SP140: variants seen among roughly 807,000 people sequenced by gnomAD.
SP140 encodes the protein SP140 nuclear body protein.
In SP140, 81 loss-of-function variants were observed where a neutral mutation model predicts 125.0. That is an observed-to-expected ratio of 0.65 (90% CI 0.54 to 0.78). SP140 has a LOEUF of 0.78. Among genes scored for constraint, SP140 ranks in the 30% least tolerant of loss-of-function variants. The pLI, the probability that SP140 is intolerant of heterozygous loss-of-function variation, is 0.00. For missense variants in SP140, 858 were observed against 1,037.0 expected (o/e 0.83, Z 2.37); for synonymous variants, 312 against 354.0 (o/e 0.88, Z 1.33).
intron 14 of SP140, among the ~76,000 whole-genome samples, 153 bp downstream of exon 14, chr2:230,270,106 C>G (rs557145513): frequency 5.3e-5 from 8 of 152,102 alleles, no homozygotes; most frequent in Middle Eastern, 6.8e-3. Context: ...GGCAAGAGAT[C>G]GTTATAAAGT....
At chr2:230,256,932 A>G (rs1242661105) in intron 12 of SP140, among the ~76,000 whole-genome samples, 2 of 152,192 alleles carry the variant, frequency 1.3e-5, no homozygotes, top group African/African-American at 4.8e-5. Context: ...ACTCACAAAA[A>G]CCTCAAGACT....
chr2:230,279,454 G>A (rs1220468169), intron 15 of SP140, among the ~76,000 whole-genome samples: 1 of 152,074 alleles, frequency 6.6e-6, no homozygotes, highest in Non-Finnish European at 1.5e-5. Flanking sequence ...ATATGGTACT[G>A]TCATAAAAAC....
chr2:230,240,688 G>A (rs912279338), intron 3 of SP140, among the ~76,000 whole-genome samples: 4 of 152,156 alleles, frequency 2.6e-5, no homozygotes, highest in African/African-American at 9.7e-5. Flanking sequence ...GGAACAATTG[G>A]ACCTCCCATC....
At chr2:230,300,575 C>T (rs777142447) in intron 22 of SP140, among the ~76,000 whole-genome samples, 5 of 152,116 alleles carry the variant, frequency 3.3e-5, no homozygotes, top group Admixed American at 6.5e-5. Context: ...GTTTGGCTCT[C>T]GGGAAGCCCA....
At chr2:230,297,301 A>G in intron 21 of SP140, 120 bp from the exon 22 acceptor site, 1 of 1,237,892 alleles carries the variant, frequency 8.1e-7, no homozygotes, top group Non-Finnish European at 1.1e-6. Context: ...CTCTCTTCCC[A>G]ATTATTTTTT....
At chr2:230,190,335 G>A in the SP140 span, among the ~76,000 whole-genome samples, 1 of 105,250 alleles carries the variant, frequency 9.5e-6, no homozygotes, top group Non-Finnish European at 1.9e-5. Flanking sequence ...TATGTTTGTT[G>A]GCTACGTAAA....
chr2:230,273,561 A>G (rs1370602353), intron 15 of SP140, among the ~76,000 whole-genome samples: 1 of 152,230 alleles, frequency 6.6e-6, no homozygotes, highest in African/African-American at 2.4e-5. Flanking sequence ...ACCTAAAGAC[A>G]GAAATACCAT....
Position 230,237,218 on chromosome 2 carries a change from G to C in SP140, c.195G>C (p.Met65Ile). Residue 65 changes from methionine to isoleucine, a missense_variant, in exon 2 of 27, where the codon ATG becomes ATC. By Grantham distance (10) the Met-to-Ile change is conservative (BLOSUM62 1). This residue lies in a region of SP140 where 791 missense variants were observed against 869.5 expected (regional missense o/e 0.91). Coordinates refer to ENST00000392045, the MANE Select transcript of SP140 (RefSeq NM_007237.5). The surrounding 1 kb of genome is among the most constrained non-coding windows in gnomAD (Gnocchi z 5.4). Reference sequence around the variant, plus strand: ...TAACAAGGCCATTTCCTTTCCTTATGGGCCTCCGAGACCGCTCCTTCATCT... The same window carrying C: ...TAACAAGGCCATTTCCTTTCCTTATCGGCCTCCGAGACCGCTCCTTCATCT... ...SAITRPFPFL[M>I]GLRDRSFISE... 4 of 1,611,692 alleles carry C rather than the reference G, an allele frequency of 2.5e-6. No homozygotes were observed. Among genetic ancestry groups the C allele is most frequent in the Non-Finnish European group, 3.4e-6 (4 of 1,179,376 alleles).
At chr2:230,202,500 T>C (rs377072276), upstream of SP140, 56 of 1,364,958 alleles carry the variant, frequency 4.1e-5, 1 homozygote, top group African/African-American at 4.5e-4. Context: ...TTTACATATC[T>C]ACTTAACTCT....
At position 230,238,260 on chromosome 2, in the gene SP140, G is replaced by A. The variant is rs1375990136; in HGVS notation, c.285G>A (p.Met95Ile). The A allele has an allele frequency of 1.2e-6, 2 of 1,612,356 alleles. No homozygotes were observed. The highest frequency in any genetic ancestry group is 1.7e-6 in the Non-Finnish European group (2 of 1,179,170). ...ACCTGGTCCCAGTGACAAGAGTGATGTATTGTGTACTCAGTGAACTGGAGA... is the reference window on the plus strand; with the variant it reads ...ACCTGGTCCCAGTGACAAGAGTGATATATTGTGTACTCAGTGAACTGGAGA... ...FRNLVPVTRV[M>I]YCVLSELEKT... The change falls in exon 3 of 27, where the codon ATG (methionine) becomes ATA (isoleucine). Residue 95 changes from methionine to isoleucine, a missense_variant. This residue lies in a region of SP140 where 791 missense variants were observed against 869.5 expected (regional missense o/e 0.91). Coordinates refer to ENST00000392045, the MANE Select transcript of SP140 (RefSeq NM_007237.5).
chr2:230,241,861 G>T (rs996016343), intron 4 of SP140, among the ~76,000 whole-genome samples: 6 of 152,202 alleles, frequency 3.9e-5, no homozygotes, highest in African/African-American at 1.4e-4. Flanking sequence ...ACTATTAAGA[G>T]AAACTCAGAA....
chr2:230,241,897 G>A (rs2048777057), intron 4 of SP140, among the ~76,000 whole-genome samples: 1 of 152,172 alleles, frequency 6.6e-6, no homozygotes, highest in Non-Finnish European at 1.5e-5. Context: ...TCAGATTCAG[G>A]TGAGAGATAT....
chr2:230,297,761 A>G (rs1016878457), intron 22 of SP140, among the ~76,000 whole-genome samples: 2 of 152,194 alleles, frequency 1.3e-5, no homozygotes, highest in African/African-American at 4.8e-5. Flanking sequence ...CAGAGCCTGA[A>G]GTGGTAATGG....
intron 4 of SP140, among the ~76,000 whole-genome samples, 183 bp from the exon 5 acceptor site, chr2:230,243,548 A>G (rs2049001326): frequency 6.6e-6 from 1 of 152,246 alleles, no homozygotes; most frequent in Non-Finnish European, 1.5e-5. Flanking sequence ...CCCACAGTGG[A>G]TGAATTATTC....
At chr2:230,196,882 T>C in the SP140 span, among the ~76,000 whole-genome samples, 1 of 152,234 alleles carries the variant, frequency 6.6e-6, no homozygotes, top group African/African-American at 2.4e-5. Flanking sequence ...TCATCATTTT[T>C]TATGGCTGCA....
chr2:230,198,800 G>C (rs2042993808), upstream of SP140, among the ~76,000 whole-genome samples: 2 of 152,126 alleles, frequency 1.3e-5, no homozygotes, highest in Non-Finnish European at 2.9e-5. Flanking sequence ...GTTTCACCAT[G>C]TTGGCCAGAC....
At chr2:230,260,524 A>T (rs1002967640) in intron 12 of SP140, among the ~76,000 whole-genome samples, 3 of 152,128 alleles carry the variant, frequency 2.0e-5, no homozygotes, top group African/African-American at 7.2e-5. Flanking sequence ...GCCTAAGCCA[A>T]TGTTTAGAAG....
At chr2:230,301,836 G>A (rs1471858630) in intron 22 of SP140, among the ~76,000 whole-genome samples, 2 of 152,132 alleles carry the variant, frequency 1.3e-5, no homozygotes, top group Admixed American at 6.5e-5. Flanking sequence ...AAAAGATACA[G>A]AATGGCAGAA....
At chr2:230,197,149 A>T in the SP140 span, among the ~76,000 whole-genome samples, 4 of 152,186 alleles carry the variant, frequency 2.6e-5, no homozygotes, top group African/African-American at 9.7e-5. Flanking sequence ...ACTAGTGTAC[A>T]GTCCCACCAA....
Sources: gnomAD v4.1 joint callset for allele counts (sites outside exome capture counted in the v4.1 genomes callset) on GRCh38, gnomAD v4.1.1 for gene constraint, gnomAD v4.1.1 regional missense constraint, Gnocchi (gnomAD v3.1) non-coding constraint, MANE v1.5 for transcripts, NCBI Gene and HGNC (gene_info 2026-07-23, HGNC 2026-07-21) for gene names.